Variants in CHD9 observed in about 807,000 individuals in gnomAD.
CHD9 encodes the protein ATP-dependent chromatin remodeler CHD9.
Under a neutral mutation model 316.1 loss-of-function variants are expected in CHD9, and 77 were observed. The observed-to-expected ratio is 0.24, with a 90% confidence interval of 0.20 to 0.29. The LOEUF is 0.29. Among genes scored for constraint, CHD9 ranks in the 10% least tolerant of loss-of-function variants. The pLI is 1.00. For missense variants in CHD9, 2,763 were observed against 3,438.1 expected (o/e 0.80, Z 4.91); for synonymous variants, 1,129 against 1,158.3 (o/e 0.97, Z 0.51).
intron 2 of CHD9, among the ~76,000 whole-genome samples, chr16:53,193,324 C>T (rs1039041727): frequency 6.6e-6 from 1 of 151,940 alleles, no homozygotes; most frequent in Non-Finnish European, 1.5e-5. Flanking sequence ...TGGCGGGCCC[C>T]TGTAGTCCCA....
chr16:53,183,238 C>T (rs529409544), intron 2 of CHD9, among the ~76,000 whole-genome samples: 2 of 152,242 alleles, frequency 1.3e-5, no homozygotes, highest in South Asian at 4.2e-4. Flanking sequence ...TTGTTTCTTT[C>T]CTTTTTTTAA....
intron 29 of CHD9, among the ~76,000 whole-genome samples, chr16:53,296,390 T>A (rs2054791173): frequency 6.6e-6 from 1 of 151,874 alleles, no homozygotes. Flanking sequence ...TGGGGACACA[T>A]GTCATCAGGA....
intron 1 of CHD9, among the ~76,000 whole-genome samples, chr16:53,117,133 T>C (rs1283292509): frequency 6.6e-6 from 1 of 152,092 alleles, no homozygotes; most frequent in Non-Finnish European, 1.5e-5. Flanking sequence ...CTGGGATTCA[T>C]ACTTAGGTGA....
rs184481953 is a variant in CHD9 at position 53,178,789 on chromosome 16, G to T, written c.1452+21248G>T. Among the ~76,000 whole-genome samples, 5 of 152,234 alleles carry T rather than the reference G, an allele frequency of 3.3e-5. No homozygotes were observed. The East Asian group carries it at 9.6e-4, about 29-fold the overall frequency. The stretch of plus-strand genomic sequence containing the variant: ...TATTAAATACTTTTAAGAATTTATG[G>T]ATGACTATAGTTTTAAAGTTTTCTT... On this transcript the variant is annotated intron_variant, in intron 2 of 38. Coordinates refer to ENST00000447540, the MANE Select transcript of CHD9 (RefSeq NM_001308319.2).
chr16:53,210,004 C>G (rs1012960584), intron 3 of CHD9, among the ~76,000 whole-genome samples, 191 bp downstream of exon 3: 2 of 151,934 alleles, frequency 1.3e-5, no homozygotes, highest in African/African-American at 4.8e-5. Flanking sequence ...TTTTATGGTT[C>G]TATGAATGTA....
intron 20 of CHD9, among the ~76,000 whole-genome samples, chr16:53,265,147 T>C (rs1421268937): frequency 6.6e-6 from 1 of 152,184 alleles, no homozygotes; most frequent in Non-Finnish European, 1.5e-5. Context: ...TCCTGTATAA[T>C]TCCAGCACTT....
intron 34 of CHD9, chr16:53,311,644 A>C (rs1183574309): frequency 6.6e-6 from 1 of 152,212 alleles, no homozygotes; most frequent in African/African-American, 2.4e-5. Context: ...TAATTTCATT[A>C]ATGAAGGAGA....
Position 53,306,217 on chromosome 16 carries a change from A to T in CHD9, c.6620-20A>T. On this transcript the variant is annotated intron_variant, in intron 31 of 38. Transcript: ENST00000447540. Reference sequence around the variant, plus strand: ...TTTTATGTAGTCTTTTTAAAAAATGATTATAATTGTTTTTAGCAGAAAGTA... The same window carrying T: ...TTTTATGTAGTCTTTTTAAAAAATGTTTATAATTGTTTTTAGCAGAAAGTA... 6 of 1,419,176 alleles carry T rather than the reference A, an allele frequency of 4.2e-6. No homozygotes were observed. Among genetic ancestry groups the T allele is most frequent in the Non-Finnish European group, 5.6e-6 (6 of 1,076,254 alleles). The allele number at this position is 1,419,176 out of a possible 1,614,324, so 87.9% of individuals were successfully genotyped here.
At chr16:53,092,082 G>A (rs964256301) in intron 1 of CHD9, among the ~76,000 whole-genome samples, 2 of 152,174 alleles carry the variant, frequency 1.3e-5, no homozygotes, top group Non-Finnish European at 2.9e-5. Context: ...TTGGAGGCAG[G>A]GAGATGCTGC....
Position 53,146,413 on chromosome 16 carries a change from G to GTATATATATATATATATATATA in CHD9, c.-164-9512_-164-9511insATATATATATATATATATATAT, listed in dbSNP as rs1361043895. Among the ~76,000 whole-genome samples, 54 of 24,454 alleles carry GTATATATATATATATATATATA rather than the reference G, an allele frequency of 2.2e-3. 1 individual carries two copies. Among genetic ancestry groups the GTATATATATATATATATATATA allele is most frequent in the South Asian group, 3.9e-3 (4 of 1,020 alleles). 16.0% of individuals were successfully genotyped at this position (24,454 alleles called of 152,430 possible). A position where few individuals can be genotyped will look rare whatever the true frequency, so the allele number is the denominator to read the frequency against. ...CTCAAAAAAAAAAAATTGTGTGTGT[G>GTATATATATATATATATATATA]TGTATGTATATATATATATATATAA... is the stretch of plus-strand genomic sequence containing the variant. On this transcript the variant is annotated intron_variant, in intron 1 of 38. Transcript: ENST00000447540.
intron 1 of CHD9, among the ~76,000 whole-genome samples, chr16:53,118,225 T>G (rs973862049): frequency 7.9e-5 from 12 of 152,112 alleles, no homozygotes; most frequent in African/African-American, 2.9e-4. Context: ...GAGACCAGCA[T>G]GGCCAACATG....
intron 2 of CHD9, among the ~76,000 whole-genome samples, chr16:53,192,006 T>C (rs1472490826): frequency 1.3e-5 from 2 of 150,730 alleles, no homozygotes; most frequent in African/African-American, 2.5e-5. Context: ...GTTTTACTGA[T>C]GGATGATGTT....
At chr16:53,150,062 C>T (rs901575959) in intron 1 of CHD9, among the ~76,000 whole-genome samples, 1 of 152,022 alleles carries the variant, frequency 6.6e-6, no homozygotes, top group Non-Finnish European at 1.5e-5. Context: ...TTCTGCTAAT[C>T]TTTTCCTTTT....
intron 2 of CHD9, among the ~76,000 whole-genome samples, chr16:53,183,539 C>A (rs1227315123): frequency 2.0e-5 from 3 of 152,164 alleles, no homozygotes; most frequent in Non-Finnish European, 4.4e-5. Context: ...TTTATTTTCT[C>A]TGTCTTAAAA....
At position 53,294,760 on chromosome 16, in the gene CHD9, C is replaced by T. The variant is rs113258818; in HGVS notation, c.5510+1708C>T. ...AGGGGAAAGGGAAATAGATTCTACC[C>T]GTTAATGGAAAGAGTGGCAAAGCAT... On this transcript the variant is annotated intron_variant, in intron 29 of 38. Coordinates refer to ENST00000447540, the MANE Select transcript of CHD9 (RefSeq NM_001308319.2). Among the ~76,000 whole-genome samples the T allele has an allele frequency of 1.3e-4, 20 of 152,270 alleles. No homozygotes were observed. In the South Asian group the frequency reaches 3.7e-3, roughly 28 times the overall value.
At chr16:53,122,544 C>CTTTTT (rs35643983) in intron 1 of CHD9, among the ~76,000 whole-genome samples, 1 of 129,876 alleles carries the variant, frequency 7.7e-6, no homozygotes, top group Non-Finnish European at 1.6e-5. Context: ...CTGGGAATCC[C>CTTTTT]TTTTTTTTTT....
intron 1 of CHD9, among the ~76,000 whole-genome samples, chr16:53,070,338 T>A (rs1467299776): frequency 6.6e-6 from 1 of 152,206 alleles, no homozygotes; most frequent in African/African-American, 2.4e-5. Context: ...CATAAAGTTT[T>A]CCCTCTATAT....
intron 16 of CHD9, among the ~76,000 whole-genome samples, chr16:53,248,526 G>GTTTTTTTTTTT (rs542703474): frequency 3.8e-5 from 4 of 105,976 alleles, no homozygotes; most frequent in African/African-American, 1.1e-4. Flanking sequence ...TTTTTTTTTT[G>GTTTTTTTTTTT]TTTTTTTTTT....
chr16:53,301,144 A>T (rs2055366422), intron 30 of CHD9, among the ~76,000 whole-genome samples: 1 of 152,238 alleles, frequency 6.6e-6, no homozygotes, highest in African/African-American at 2.4e-5. Context: ...AGAATATAAA[A>T]TAAATGGGAC....
Sources: allele counts gnomAD v4.1 joint callset (sites outside exome capture counted in the v4.1 genomes callset), GRCh38; gene constraint gnomAD v4.1.1; transcripts MANE v1.5; gene names NCBI Gene and HGNC (gene_info 2026-07-23, HGNC 2026-07-21).